CHRM3: variants seen among roughly 807,000 people sequenced by gnomAD.
CHRM3 encodes muscarinic acetylcholine receptor M3.
Under a neutral mutation model 41.8 loss-of-function variants are expected in CHRM3, and 11 were observed. The observed-to-expected ratio is 0.26, with a 90% CI of 0.17 to 0.44. The LOEUF (loss-of-function observed/expected upper bound fraction) is 0.44, where lower values mean the gene tolerates loss of function less well. Ranked by LOEUF, CHRM3 falls within the 20% of genes least tolerant of loss-of-function variation. CHRM3 has a pLI of 1.00. For missense variants in CHRM3, 571 were observed against 745.4 expected, an observed-to-expected ratio of 0.77 and a Z score of 2.72; for synonymous variants, 297 against 301.4, an observed-to-expected ratio of 0.99 and a Z score of 0.15.
In CHRM3 at chr1:239,813,715, A is replaced by T. The variant is rs1392130744; in HGVS notation, c.-146-13537A>T. On this transcript the variant is annotated intron_variant, in intron 5 of 6. Transcript: ENST00000676153. ...GGCGGATCACGAGGTCAGGAGATCGAGACCATCCTGGCTAACACGGTGAAA... is the reference window on the plus strand; with the variant it reads ...GGCGGATCACGAGGTCAGGAGATCGTGACCATCCTGGCTAACACGGTGAAA... Among the ~76,000 whole-genome samples the T allele has an allele frequency of 2.2e-5, 3 of 135,730 alleles. No homozygotes were observed. The Admixed American group carries it at 2.2e-4, about 10-fold the overall frequency. The allele number at this position is 135,730 out of a possible 152,430, so 89.0% of individuals were successfully genotyped here. A position where few individuals can be genotyped will look rare whatever the true frequency, so the allele number is the denominator to read the frequency against.
intron 4 of CHRM3, among the ~76,000 whole-genome samples, chr1:239,665,922 G>A (rs1252318760): frequency 1.3e-5 from 2 of 152,142 alleles, no homozygotes; most frequent in African/African-American, 2.4e-5. Flanking sequence ...TATCAATGAT[G>A]GGAATTTGGG....
intron 3 of CHRM3, among the ~76,000 whole-genome samples, chr1:239,556,489 A>G (rs1660368129): frequency 6.6e-6 from 1 of 152,238 alleles, no homozygotes; most frequent in Non-Finnish European, 1.5e-5. Flanking sequence ...CTTCACATGG[A>G]AAGCAAATAT....
At chr1:239,565,747 G>A (rs1021895967) in intron 3 of CHRM3, among the ~76,000 whole-genome samples, 4 of 151,604 alleles carry the variant, frequency 2.6e-5, no homozygotes, top group African/African-American at 9.7e-5. Flanking sequence ...TCACCTTCAG[G>A]CAATTTGTTA....
At position 239,811,312 on chromosome 1, in the gene CHRM3, A is replaced by C. The variant is rs542684160; in HGVS notation, c.-146-15940A>C. On this transcript the variant is annotated intron_variant, in intron 5 of 6. Transcript: ENST00000676153. ...GAAAGCGTGCTGACATGCTAACCGCAAGACCCATTGTCTCCCATGCAGGCC... is the reference window on the plus strand; with the variant it reads ...GAAAGCGTGCTGACATGCTAACCGCCAGACCCATTGTCTCCCATGCAGGCC... Among the ~76,000 whole-genome samples, 6 of 152,314 alleles carry C rather than the reference A, an allele frequency of 3.9e-5. No homozygotes were observed. In the East Asian group the frequency reaches 1.2e-3, roughly 29 times the overall value.
intron 4 of CHRM3, among the ~76,000 whole-genome samples, chr1:239,647,909 T>C (rs1303502254): frequency 6.6e-6 from 1 of 151,638 alleles, no homozygotes; most frequent in Admixed American, 6.6e-5. Context: ...ATCTACAAAA[T>C]GGAAAAAAAA....
At chr1:239,678,314 A>G (rs1378604432) in intron 5 of CHRM3, 26 bp downstream of exon 5, 1 of 152,180 alleles carries the variant, frequency 6.6e-6, no homozygotes, top group East Asian at 1.9e-4. Context: ...GTACATGATT[A>G]CTGACATTTT....
At chr1:239,889,837 T>A (rs1008675890) in intron 6 of CHRM3, among the ~76,000 whole-genome samples, 1 of 152,186 alleles carries the variant, frequency 6.6e-6, no homozygotes, top group African/African-American at 2.4e-5. Flanking sequence ...AGAAAGATAA[T>A]GCTTGGCTCA....
intron 6 of CHRM3, among the ~76,000 whole-genome samples, chr1:239,867,156 A>G (rs1676180788): frequency 6.6e-6 from 1 of 152,220 alleles, no homozygotes; most frequent in Non-Finnish European, 1.5e-5. Context: ...CATAATCTGG[A>G]GAGACATTTC....
At chr1:239,561,164 C>A (rs1660820457) in intron 3 of CHRM3, among the ~76,000 whole-genome samples, 1 of 152,144 alleles carries the variant, frequency 6.6e-6, no homozygotes, top group Admixed American at 6.5e-5. Flanking sequence ...TGTCCTTAAT[C>A]AGTTATCTGC....
At chr1:239,611,817 T>A (rs984070761) in intron 3 of CHRM3, among the ~76,000 whole-genome samples, 2 of 152,188 alleles carry the variant, frequency 1.3e-5, no homozygotes, top group Non-Finnish European at 2.9e-5. Context: ...CAAAGTTCTA[T>A]AACATGACAA....
intron 1 of CHRM3, among the ~76,000 whole-genome samples, chr1:239,404,158 G>A (rs1163684144): frequency 2.0e-5 from 3 of 150,928 alleles, no homozygotes; most frequent in Non-Finnish European, 4.4e-5. Flanking sequence ...GCGTGGTGGT[G>A]GGCACCTGTA....
At chr1:239,424,983 G>A (rs191676875) in intron 1 of CHRM3, among the ~76,000 whole-genome samples, 44 of 152,314 alleles carry the variant, frequency 2.9e-4, no homozygotes, top group African/African-American at 1.1e-3. Context: ...GGTAATGCAT[G>A]GGGGCACAGC....
intron 1 of CHRM3, among the ~76,000 whole-genome samples, chr1:239,479,364 G>A (rs1271798010): frequency 6.6e-6 from 1 of 152,098 alleles, no homozygotes; most frequent in East Asian, 1.9e-4. Flanking sequence ...AATCTTAAAA[G>A]CAGCCAGAAA....
chr1:239,406,216 T>G (rs1660585505), intron 1 of CHRM3, among the ~76,000 whole-genome samples: 1 of 152,156 alleles, frequency 6.6e-6, no homozygotes, highest in African/African-American at 2.4e-5. Context: ...TCACATGTAT[T>G]TTGTAAATTA....
In CHRM3 at chr1:239,541,919, A is replaced by T. The variant is rs182444656; in HGVS notation, c.-421-3722A>T. 4.8e-3 allele frequency among the ~76,000 whole-genome samples: 737 copies of T among 152,260 alleles called. 4 individuals are homozygous for T. The highest frequency in any genetic ancestry group is 0.017 in the Middle Eastern group (5 of 294). On this transcript the variant is annotated intron_variant, in intron 2 of 6. Transcript: ENST00000676153. Reference sequence around the variant, plus strand: ...CAACAAATATTAGAACCTGCTGCACACCTAGCTGTCTGCAAATCACTCCAG... The same window carrying T: ...CAACAAATATTAGAACCTGCTGCACTCCTAGCTGTCTGCAAATCACTCCAG...
intron 3 of CHRM3, among the ~76,000 whole-genome samples, chr1:239,584,082 G>A (rs568605276): frequency 2.7e-5 from 4 of 150,530 alleles, no homozygotes; most frequent in African/African-American, 9.8e-5. Context: ...TCTCATGTTG[G>A]ATTCGAATTA....
chr1:239,748,326 C>T lies in CHRM3; in HGVS notation c.-147+70038C>T, dbSNP rs575785047. 8.5e-5 allele frequency among the ~76,000 whole-genome samples: 13 copies of T among 152,314 alleles called. 1 individual carries two copies. The highest frequency in any genetic ancestry group is 7.2e-4 in the Admixed American group (11 of 15,306). Reference sequence around the variant, plus strand: ...CCTTTTGGTTTTGCAAACATCACTTCTCTCTTACGATGCAGTCAGAATCTT... The same window carrying T: ...CCTTTTGGTTTTGCAAACATCACTTTTCTCTTACGATGCAGTCAGAATCTT... On this transcript the variant is annotated intron_variant, in intron 5 of 6. Coordinates refer to ENST00000676153, the MANE Select transcript of CHRM3 (RefSeq NM_001375978.1). The surrounding 1 kb of genome is among the most constrained non-coding windows in gnomAD (Gnocchi z 4.3).
At chr1:239,766,557 G>A (rs1160125597) in intron 5 of CHRM3, among the ~76,000 whole-genome samples, 1 of 152,024 alleles carries the variant, frequency 6.6e-6, no homozygotes, top group Non-Finnish European at 1.5e-5. Flanking sequence ...TAAATTAGAT[G>A]TTATCTGGCC....
Position 239,440,802 on chromosome 1 carries a change from A to G in CHRM3, c.-520-51907A>G, listed in dbSNP as rs138610798. ...TCCTTTGTAATAGAGCTAAAATAGT[A>G]CAACCCCAGAATTGAACCTTATTAA... On this transcript the variant is annotated intron_variant, in intron 1 of 6. Coordinates refer to ENST00000676153, the MANE Select transcript of CHRM3 (RefSeq NM_001375978.1). Among the ~76,000 whole-genome samples the G allele has an allele frequency of 4.1e-4, 63 of 152,334 alleles. No homozygotes were observed. In the East Asian group the frequency reaches 0.011, roughly 26 times the overall value.
Sources: gnomAD v4.1 joint callset for allele counts (sites outside exome capture counted in the v4.1 genomes callset) on GRCh38, gnomAD v4.1.1 for gene constraint, Gnocchi (gnomAD v3.1) non-coding constraint, MANE v1.5 for transcripts, NCBI Gene and HGNC (gene_info 2026-07-23, HGNC 2026-07-21) for gene names.